TTYH3: variants seen among roughly 807,000 people sequenced by gnomAD.
TTYH3 encodes protein tweety homolog 3.
A neutral mutation model predicts 68.2 loss-of-function variants in TTYH3; 23 were observed. The ratio of observed to expected loss-of-function variants is 0.34; its 90% CI spans 0.24 to 0.48. The LOEUF (loss-of-function observed/expected upper bound fraction) is 0.48, where lower values mean the gene tolerates loss of function less well. TTYH3 is among the 20% of genes least tolerant of loss of function. TTYH3 has a pLI of 0.99. For synonymous variants in TTYH3, 360 were observed against 332.8 expected, an observed-to-expected ratio of 1.08 and a Z score of -0.89; for missense variants, 768 against 727.7, an observed-to-expected ratio of 1.06 and a Z score of -0.64.
chr7:2,642,589 G>A (rs1410219558), intron 1 of TTYH3, among the ~76,000 whole-genome samples: 3 of 150,622 alleles, frequency 2.0e-5, no homozygotes, highest in Non-Finnish European at 3.0e-5. Flanking sequence ...TTAGCCAGGC[G>A]TGGTGATATG....
At chr7:2,635,105 A>T (rs1428123429) in intron 1 of TTYH3, among the ~76,000 whole-genome samples, 2 of 152,152 alleles carry the variant, frequency 1.3e-5, no homozygotes, top group Non-Finnish European at 2.9e-5. Flanking sequence ...TGTTGTTCAC[A>T]GGAGGGATTT....
At position 2,645,663 on chromosome 7, in the gene TTYH3, C is replaced by T. The variant is rs1206185660; in HGVS notation, c.124-1190C>T. 2.2e-5 allele frequency: 9 copies of T among 402,470 alleles called. No homozygotes were observed. Among genetic ancestry groups the T allele is most frequent in the African/African-American group, 4.2e-5 (2 of 47,448 alleles). The allele number at this position is 402,470 out of a possible 1,614,324, so 24.9% of individuals were successfully genotyped here. On this transcript the variant is annotated intron_variant, in intron 1 of 13. Transcript: ENST00000258796. This position sits in a 1 kb window ranked among gnomAD's most constrained non-coding sequence, Gnocchi z 4.8. ...GGGCCAGCCCCACCATCTCATCCAG[C>T]GTGGGGGCACGCCATGGACGGTGCC...
At chr7:2,649,402 G>A (rs1786097306) in intron 5 of TTYH3, among the ~76,000 whole-genome samples, 165 bp from the exon 6 acceptor site, 1 of 152,146 alleles carries the variant, frequency 6.6e-6, no homozygotes, top group South Asian at 2.1e-4. Context: ...TCTGGGCCCT[G>A]GGCTGTGGGC....
intron 1 of TTYH3, among the ~76,000 whole-genome samples, chr7:2,639,947 C>T (rs560195218): frequency 5.3e-5 from 8 of 152,296 alleles, no homozygotes; most frequent in Admixed American, 1.3e-4. Context: ...GCTCGCTGGT[C>T]TCTCCCAATG....
chr7:2,661,577 G>A lies in TTYH3; in HGVS notation c.1501-91G>A, dbSNP rs551737269. On this transcript the variant is annotated intron_variant, in intron 13 of 13. Transcript: ENST00000258796. ...TCCCATTCTGCCCCCAGGGCTGTTG[G>A]CTCAGCCAAGTGAGGACCACGCGGA... is the stretch of plus-strand genomic sequence containing the variant. 987 of 1,286,124 alleles carry A rather than the reference G, an allele frequency of 7.7e-4. 19 individuals are homozygous for A. In the South Asian group the frequency reaches 0.012, roughly 15 times the overall value. 79.7% of individuals were successfully genotyped at this position (1,286,124 alleles called of 1,614,324 possible).
intron 5 of TTYH3, 78 bp from the exon 6 acceptor site, chr7:2,649,488 GC>G (rs1399691317): frequency 5.7e-6 from 8 of 1,414,164 alleles, no homozygotes; most frequent in Non-Finnish European, 7.7e-6. Flanking sequence ...ACTGGGACCT[GC>G]CTTCTGGCCT....
intron 1 of TTYH3, among the ~76,000 whole-genome samples, chr7:2,640,143 G>A (rs536392254): frequency 3.9e-5 from 6 of 152,332 alleles, no homozygotes; most frequent in South Asian, 2.1e-4. Flanking sequence ...GCCGAGGAGC[G>A]AGCAGCCGTG....
In TTYH3 at chr7:2,645,205, C is replaced by T. The variant is rs1056402682; in HGVS notation, c.124-1648C>T. On this transcript the variant is annotated intron_variant, in intron 1 of 13. Transcript: ENST00000258796. The surrounding 1 kb of genome is among the most constrained non-coding windows in gnomAD (Gnocchi z 4.8). ...GCCCTGTATCAGCTCCCCATCCCTC[C>T]CCCGGCACAGGAAGTGTGTGGAGGT... Among the ~76,000 whole-genome samples the T allele has an allele frequency of 1.3e-5, 2 of 152,206 alleles. No homozygotes were observed. The highest frequency in any genetic ancestry group is 4.8e-5 in the African/African-American group (2 of 41,458).
chr7:2,647,076 G>T (rs930911753), intron 2 of TTYH3, 54 bp downstream of exon 2: 3 of 1,532,754 alleles, frequency 2.0e-6, no homozygotes, highest in East Asian at 2.4e-5. Context: ...CGGCCCGAGG[G>T]GGCGGGGCTG....
At chr7:2,633,560 C>T (rs1410454868) in intron 1 of TTYH3, among the ~76,000 whole-genome samples, 1 of 152,218 alleles carries the variant, frequency 6.6e-6, no homozygotes, top group Admixed American at 6.5e-5. Flanking sequence ...AATCTCACGC[C>T]TGCGTTCTAG....
chr7:2,646,514 G>A (rs1268396749), intron 1 of TTYH3, among the ~76,000 whole-genome samples: 1 of 152,198 alleles, frequency 6.6e-6, no homozygotes, highest in Non-Finnish European at 1.5e-5. Context: ...GGACTCTGGG[G>A]ACCCGGTGGG....
In TTYH3 at chr7:2,648,040, G is replaced by A. The variant is rs750674957; in HGVS notation, c.708G>A (p.Lys236=). The A allele has an allele frequency of 5.6e-6, 9 of 1,609,828 alleles. No homozygotes were observed. The South Asian group carries it at 8.8e-5, about 16-fold the overall frequency. ...TGGTTGGCCTCATCCGCAGCTCCAA[G>A]GGCATCCTGGTGGGGTGAGTCTGGG... The part of the protein sequence containing the change: ...LVLVGLIRSS[K]GILVGVCLLG... The change falls in exon 5 of 14, where the codon AAG becomes AAA. Residue 236 remains lysine, a synonymous_variant. Coordinates refer to ENST00000258796, the MANE Select transcript of TTYH3 (RefSeq NM_025250.3).
At chr7:2,637,815 C>G (rs2114973214) in intron 1 of TTYH3, among the ~76,000 whole-genome samples, 1 of 152,300 alleles carries the variant, frequency 6.6e-6, no homozygotes, top group Non-Finnish European at 1.5e-5. Context: ...GGCCTCACAC[C>G]ATCCGAGGGG....
Position 2,653,083 on chromosome 7 carries a change from C to T in TTYH3, c.1020+73C>T, listed in dbSNP as rs1457549644. The T allele has an allele frequency of 2.8e-6, 4 of 1,411,756 alleles. No homozygotes were observed. The East Asian group carries it at 7.5e-5, about 26-fold the overall frequency. The allele number at this position is 1,411,756 out of a possible 1,614,324, so 87.5% of individuals were successfully genotyped here. A position where few individuals can be genotyped will look rare whatever the true frequency, so the allele number is the denominator to read the frequency against. ...CTCAGCATGAAAGGAATTTGTGGTG[C>T]AAACACAGCTCAGGGCAAATTTGGA... On this transcript the variant is annotated intron_variant, in intron 9 of 13. Transcript: ENST00000258796.
rs1562703611 is a variant in TTYH3 at position 2,631,999 on chromosome 7, C to T, written c.-157C>T. On this transcript the variant is annotated 5_prime_UTR_variant, in exon 1 of 14. Transcript: ENST00000258796. ...GCGGGCGGCCGAGCGGAGCCGAGCG[C>T]AGCCGAGCCGGGCCGAGCCGGGCCG... 1 of 514,930 alleles carries T rather than the reference C, an allele frequency of 1.9e-6. No homozygotes were observed. The highest frequency in any genetic ancestry group is 7.9e-5 in the South Asian group (1 of 12,680). 31.9% of individuals were successfully genotyped at this position (514,930 alleles called of 1,614,324 possible).
chr7:2,640,680 G>A (rs549540990), intron 1 of TTYH3, among the ~76,000 whole-genome samples: 1 of 152,374 alleles, frequency 6.6e-6, no homozygotes, highest in East Asian at 1.9e-4. Context: ...GTGGCTGATG[G>A]GAGTCACGTC....
At chr7:2,647,087 G>T in intron 2 of TTYH3, 55 bp from the exon 3 acceptor site, 1 of 1,513,458 alleles carries the variant, frequency 6.6e-7, no homozygotes, top group Non-Finnish European at 8.9e-7. Context: ...GGCGGGGCTG[G>T]AGTGGGGTGT....
At chr7:2,634,865 C>T (rs774808739) in intron 1 of TTYH3, among the ~76,000 whole-genome samples, 29 of 152,122 alleles carry the variant, frequency 1.9e-4, no homozygotes, top group African/African-American at 5.8e-4. Flanking sequence ...GTCCCTCGTC[C>T]GGCCCCCCGA....
Position 2,635,383 on chromosome 7 carries a change from T to G in TTYH3, c.123+3105T>G, listed in dbSNP as rs556346964. On this transcript the variant is annotated intron_variant, in intron 1 of 13. Transcript: ENST00000258796. ...GTCCAGACACTGTCCTGGGCTTTAT[T>G]CGGGGGAGGCCTGCCTGCTCAGCTC... 1.0e-3 allele frequency among the ~76,000 whole-genome samples: 152 copies of G among 152,250 alleles called. 2 individuals are homozygous for G. The highest frequency in any genetic ancestry group is 3.4e-3 in the Middle Eastern group (1 of 294).
Sources: allele counts gnomAD v4.1 joint callset (sites outside exome capture counted in the v4.1 genomes callset), GRCh38; gene constraint gnomAD v4.1.1; non-coding constraint Gnocchi (gnomAD v3.1); transcripts MANE v1.5; gene names NCBI Gene and HGNC (gene_info 2026-07-23, HGNC 2026-07-21).